Variants in EHMT1 observed in about 807,000 individuals in gnomAD.
EHMT1 encodes the protein euchromatic histone lysine methyltransferase 1.
EHMT1 carries 15 observed loss-of-function variants against 147.2 expected under a neutral mutation model. The observed-to-expected ratio is 0.10, with a 90% CI of 0.07 to 0.16. The LOEUF (loss-of-function observed/expected upper bound fraction) is 0.16. Ranked by LOEUF, EHMT1 falls within the 10% of genes least tolerant of loss-of-function variation. The pLI is 1.00. For missense variants in EHMT1, 1,587 were observed against 1,772.4 expected, an observed-to-expected ratio of 0.90 and a Z score of 1.88; for synonymous variants, 795 against 709.6, an observed-to-expected ratio of 1.12 and a Z score of -1.91.
intron 16 of EHMT1, among the ~76,000 whole-genome samples, chr9:137,796,718 AAAG>A (rs1952981472): frequency 6.6e-6 from 1 of 151,474 alleles, no homozygotes; most frequent in East Asian, 1.9e-4. Context: ...AAAAAAAAAA[AAAG>A]AAATGAAACC....
chr9:137,718,796 C>T (rs1426151617), intron 3 of EHMT1, among the ~76,000 whole-genome samples: 1 of 148,836 alleles, frequency 6.7e-6, no homozygotes, highest in Non-Finnish European at 1.5e-5. Flanking sequence ...TGCTCTGTCA[C>T]CCAGGTTAGA....
At chr9:137,670,362 T>C (rs1441145815) in intron 1 of EHMT1, among the ~76,000 whole-genome samples, 2 of 152,154 alleles carry the variant, frequency 1.3e-5, no homozygotes, top group East Asian at 3.9e-4. Context: ...GTCGGTAGCC[T>C]TCCTCCCTTG....
chr9:137,740,576 G>A (rs780389948), intron 4 of EHMT1, among the ~76,000 whole-genome samples: 1 of 152,168 alleles, frequency 6.6e-6, no homozygotes. Context: ...GGACTGAAGC[G>A]GCTCCTCTTC....
At chr9:137,823,106 T>G (rs1326077192) in intron 25 of EHMT1, among the ~76,000 whole-genome samples, 1 of 144,828 alleles carries the variant, frequency 6.9e-6, no homozygotes, top group Admixed American at 6.7e-5. Flanking sequence ...AATTGTTTTT[T>G]TTTTTTTTTT....
chr9:137,624,536 GA>G (rs1320206961), intron 1 of EHMT1, among the ~76,000 whole-genome samples: 2 of 152,024 alleles, frequency 1.3e-5, no homozygotes, highest in Non-Finnish European at 2.9e-5. Context: ...GGCAGGTCTC[GA>G]ACTCCTGACC....
chr9:137,690,231 G>C (rs1467549323), intron 1 of EHMT1, among the ~76,000 whole-genome samples: 2 of 152,166 alleles, frequency 1.3e-5, no homozygotes, highest in Non-Finnish European at 2.9e-5. Context: ...GTAGAATTTG[G>C]AAGTGAGGAA....
chr9:137,627,197 G>A (rs956962988), intron 1 of EHMT1, among the ~76,000 whole-genome samples: 4 of 151,460 alleles, frequency 2.6e-5, no homozygotes, highest in Non-Finnish European at 5.9e-5. Context: ...GACCTCAGGT[G>A]ACCCACCCCC....
intron 18 of EHMT1, among the ~76,000 whole-genome samples, chr9:137,806,488 G>A (rs1297970126): frequency 6.6e-6 from 1 of 151,736 alleles, no homozygotes; most frequent in Non-Finnish European, 1.5e-5. Context: ...AGGCTGGAGT[G>A]CAGTGGTGCT....
At chr9:137,818,332 C>G (rs999037148) in intron 25 of EHMT1, among the ~76,000 whole-genome samples, 194 bp downstream of exon 25, 6 of 152,190 alleles carry the variant, frequency 3.9e-5, no homozygotes, top group African/African-American at 1.4e-4. Context: ...GGAGGGACCT[C>G]TGACTTGGGA....
intron 1 of EHMT1, among the ~76,000 whole-genome samples, chr9:137,683,286 C>A (rs1393304171): frequency 6.6e-6 from 1 of 152,214 alleles, no homozygotes; most frequent in African/African-American, 2.4e-5. Context: ...AAAAGCGGAT[C>A]TGCTATTTGG....
intron 1 of EHMT1, among the ~76,000 whole-genome samples, chr9:137,695,803 C>T (rs973517589): frequency 6.6e-6 from 1 of 152,236 alleles, no homozygotes; most frequent in Admixed American, 6.5e-5. Flanking sequence ...TTCAGGTCCA[C>T]CCAGGCAAAG....
At chr9:137,664,514 C>T (rs1240459896) in intron 1 of EHMT1, among the ~76,000 whole-genome samples, 1 of 152,016 alleles carries the variant, frequency 6.6e-6, no homozygotes, top group East Asian at 1.9e-4. Flanking sequence ...CCCCCTTGGC[C>T]TCCCAAAGTG....
At position 137,777,899 on chromosome 9, in the gene EHMT1, T is replaced by C. The variant is rs756261023; in HGVS notation, c.2036T>C (p.Leu679Pro). 2 of 1,613,296 alleles carry C rather than the reference T, an allele frequency of 1.2e-6. No homozygotes were observed. Among genetic ancestry groups the C allele is most frequent in the Admixed American group, 3.3e-5 (2 of 60,002 alleles). ...CCCTGAAGTGCTGCCGGGCCACCAC[T>C]CTCGGAGGACGACAAGCTGCAGGGT... ...TTTGSAAGPP[L>P]SEDDKLQGAA... Residue 679 changes from leucine to proline, a missense_variant, in exon 13 of 27, where the codon CTC (leucine) becomes CCC (proline). Leu to Pro is a moderately conservative substitution (Grantham distance 98, BLOSUM62 -3). This residue lies in a region of EHMT1 where 77 missense variants were observed against 79.3 expected (regional missense o/e 0.97). Coordinates refer to ENST00000460843, the MANE Select transcript of EHMT1 (RefSeq NM_024757.5).
chr9:137,669,475 C>A (rs867454646), intron 1 of EHMT1, among the ~76,000 whole-genome samples: 1 of 138,456 alleles, frequency 7.2e-6, no homozygotes, highest in African/African-American at 2.7e-5. Context: ...AAGACGCCCC[C>A]CACAGCACGT....
intron 2 of EHMT1, among the ~76,000 whole-genome samples, chr9:137,713,872 C>A (rs1038071492): frequency 6.6e-6 from 1 of 152,074 alleles, no homozygotes; most frequent in Non-Finnish European, 1.5e-5. Context: ...ATCACTTGAA[C>A]CCGGGAGGCA....
intron 2 of EHMT1, among the ~76,000 whole-genome samples, chr9:137,713,388 G>T (rs1944921564): frequency 6.7e-6 from 1 of 148,848 alleles, no homozygotes; most frequent in Non-Finnish European, 1.5e-5. Flanking sequence ...TTCTGCCTCA[G>T]CCTCACGAGT....
intron 15 of EHMT1, chr9:137,785,934 T>A (rs1471361192): frequency 6.6e-6 from 1 of 152,268 alleles, no homozygotes; most frequent in African/African-American, 2.4e-5. Flanking sequence ...CTAACTGAGT[T>A]GTCCAGCGTG....
chr9:137,677,123 C>G (rs907481695), intron 1 of EHMT1, among the ~76,000 whole-genome samples: 2 of 151,992 alleles, frequency 1.3e-5, no homozygotes, highest in Non-Finnish European at 2.9e-5. Flanking sequence ...GTTGTCACAG[C>G]CAGCCACTGA....
At chr9:137,646,399 A>T (rs1486106936) in intron 1 of EHMT1, 11 of 985,386 alleles carry the variant, frequency 1.1e-5, no homozygotes, top group Non-Finnish European at 1.3e-5. Flanking sequence ...GACCACGGGG[A>T]GAGGACGAGG....
Sources: gnomAD v4.1 joint callset for allele counts (sites outside exome capture counted in the v4.1 genomes callset) on GRCh38, gnomAD v4.1.1 for gene constraint, gnomAD v4.1.1 regional missense constraint, MANE v1.5 for transcripts, NCBI Gene and HGNC (gene_info 2026-07-23, HGNC 2026-07-21) for gene names.